The following MRGPRX3 variants were observed in gnomAD, a reference collection of about 807,000 sequenced individuals.
MRGPRX3 encodes the protein MAS related GPR family member X3.
MRGPRX3 carries 14 observed loss-of-function variants against 16.5 expected under a neutral mutation model. That is an observed-to-expected ratio of 0.85 (90% CI 0.56 to 1.33). The LOEUF is 1.33. Ranked by LOEUF, MRGPRX3 falls within the 40% of genes most tolerant of loss-of-function variation. MRGPRX3 has a pLI of 0.00. For missense variants in MRGPRX3, 449 were observed against 413.0 expected, an observed-to-expected ratio of 1.09 and a Z score of -0.76; for synonymous variants, 199 against 180.1, an observed-to-expected ratio of 1.10 and a Z score of -0.84.
upstream of MRGPRX3, among the ~76,000 whole-genome samples, chr11:18,131,205 G>A (rs781038130): frequency 6.6e-6 from 1 of 152,074 alleles, no homozygotes; most frequent in Non-Finnish European, 1.5e-5. Flanking sequence ...AAACTAAAAA[G>A]CTTTTGCGCA....
intron 1 of MRGPRX3, among the ~76,000 whole-genome samples, chr11:18,123,251 A>G (rs1481678970): frequency 6.6e-6 from 1 of 152,052 alleles, no homozygotes; most frequent in Non-Finnish European, 1.5e-5. Context: ...TTTAGACACG[A>G]AGTCCTTGCC....
At chr11:18,124,736 T>C (rs1564879276) in intron 1 of MRGPRX3, among the ~76,000 whole-genome samples, 2 of 152,198 alleles carry the variant, frequency 1.3e-5, no homozygotes, top group Non-Finnish European at 2.9e-5. Context: ...TCTTTTTCTA[T>C]TGATTGGAAT....
At chr11:18,125,138 A>G (rs1211103284) in intron 1 of MRGPRX3, among the ~76,000 whole-genome samples, 1 of 151,458 alleles carries the variant, frequency 6.6e-6, no homozygotes, top group Non-Finnish European at 1.5e-5. Context: ...TCAAAAAAAC[A>G]GCTCCTGGAT....
rs551206580 is a variant in MRGPRX3 at position 18,125,801 on chromosome 11, C to T, written c.-152+4637C>T. On this transcript the variant is annotated intron_variant, in intron 1 of 2. Coordinates refer to the MRGPRX3 transcript ENST00000396275. ...TTGACAGTGGGGTATTAAAGTCTCC[C>T]ATTATTATTGTGTGGGAGTCTAAGT... Among the ~76,000 whole-genome samples the T allele has an allele frequency of 3.7e-3, 563 of 152,174 alleles. 2 individuals carry two copies. The highest frequency in any genetic ancestry group is 0.013 in the African/African-American group (536 of 41,508).
chr11:18,138,219 C>T lies in MRGPRX3; in HGVS notation c.*48C>T, dbSNP rs748157825. 1 of 1,539,016 alleles carries T rather than the reference C, an allele frequency of 6.5e-7. No homozygotes were observed. Among genetic ancestry groups the T allele is most frequent in the South Asian group, 1.3e-5 (1 of 77,926 alleles). On this transcript the variant is annotated 3_prime_UTR_variant, in exon 2 of 2. Coordinates refer to ENST00000621697, the MANE Select transcript of MRGPRX3 (RefSeq NM_001370464.1). Reference sequence around the variant, plus strand: ...ACAGGACTTTGAGAGCAATGCTGCCCTGCCACCCTTGACAATTATATGCAT... The same window carrying T: ...ACAGGACTTTGAGAGCAATGCTGCCTTGCCACCCTTGACAATTATATGCAT...
chr11:18,131,687 T>C (rs1438723239), upstream of MRGPRX3, among the ~76,000 whole-genome samples: 1 of 151,874 alleles, frequency 6.6e-6, no homozygotes, highest in African/African-American at 2.4e-5. Context: ...TAAATATGTA[T>C]AAATATATAT....
upstream of MRGPRX3, among the ~76,000 whole-genome samples, chr11:18,131,225 A>G (rs533750873): frequency 2.0e-5 from 3 of 152,246 alleles, no homozygotes; most frequent in Admixed American, 6.5e-5. Flanking sequence ...AGCAAAAACA[A>G]TCATTAGCAG....
chr11:18,124,474 A>G (rs1238468619), intron 1 of MRGPRX3, among the ~76,000 whole-genome samples: 9 of 152,158 alleles, frequency 5.9e-5, no homozygotes, highest in Non-Finnish European at 5.9e-5. Context: ...GGTTCTGTTT[A>G]TATGCTGGAT....
At chr11:18,123,038 GT>G (rs1590301890) in intron 1 of MRGPRX3, among the ~76,000 whole-genome samples, 1 of 151,940 alleles carries the variant, frequency 6.6e-6, no homozygotes, top group Admixed American at 6.6e-5. Flanking sequence ...GGGGTTGTTT[GT>G]TTTTTTCTTG....
In MRGPRX3 at chr11:18,121,743, G is replaced by C. The variant is rs370024204; in HGVS notation, c.-152+579G>C. On this transcript the variant is annotated intron_variant, in intron 1 of 2. Transcript: ENST00000396275. ...TGAAACATGTGCTGTGTCCACTCAG[G>C]GTTAAATGGATTAAGGGCGGTGAAA... 4.7e-3 allele frequency among the ~76,000 whole-genome samples: 723 copies of C among 152,270 alleles called. 3 individuals are homozygous for C. The highest frequency in any genetic ancestry group is 8.9e-3 in the South Asian group (43 of 4,818).
At chr11:18,136,970 G>T (rs548825755) in intron 1 of MRGPRX3, among the ~76,000 whole-genome samples, 47 of 152,306 alleles carry the variant, frequency 3.1e-4, no homozygotes, top group Admixed American at 5.2e-4. Context: ...CAGAACTTGT[G>T]TGGCAGTAGA....
intron 1 of MRGPRX3, among the ~76,000 whole-genome samples, chr11:18,124,624 A>T (rs1404185428): frequency 6.6e-6 from 1 of 152,210 alleles, no homozygotes; most frequent in Non-Finnish European, 1.5e-5. Context: ...ATCGATATTC[A>T]TCAGGGATAT....
chr11:18,124,313 T>C (rs1848869079), intron 1 of MRGPRX3, among the ~76,000 whole-genome samples: 1 of 152,222 alleles, frequency 6.6e-6, no homozygotes, highest in Non-Finnish European at 1.5e-5. Context: ...CAGTATGATA[T>C]TGGCTGTGGG....
chr11:18,127,272 T>C (rs1848910387), intron 1 of MRGPRX3, among the ~76,000 whole-genome samples: 1 of 152,116 alleles, frequency 6.6e-6, no homozygotes, highest in Non-Finnish European at 1.5e-5. Context: ...TCTCGAGGAG[T>C]ATCTTTGTGG....
At chr11:18,121,901 C>A (rs1211571052) in intron 1 of MRGPRX3, among the ~76,000 whole-genome samples, 1 of 151,954 alleles carries the variant, frequency 6.6e-6, no homozygotes, top group African/African-American at 2.4e-5. Context: ...AAACCAGAGA[C>A]CTTTGTTCAC....
intron 1 of MRGPRX3, among the ~76,000 whole-genome samples, chr11:18,133,537 T>C (rs1261192760): frequency 6.6e-6 from 1 of 152,204 alleles, no homozygotes; most frequent in East Asian, 1.9e-4. Context: ...ATTGTTGTTG[T>C]GATACTGACG....
rs1849021126 is a variant in MRGPRX3, at chr11:18,137,491, A to C, written c.289A>C (p.Ile97Leu). 1.2e-6 allele frequency: 2 copies of C among 1,613,784 alleles called. No individual in the cohort carries two copies. Among genetic ancestry groups the C allele is most frequent in the South Asian group, 1.1e-5 (1 of 91,046 alleles). ...LINIRHPISK[I>L]LSPVMTFPYF... ...CAATATCCGCCATCCCATCTCCAAA[A>C]TCCTCAGTCCTGTGATGACCTTTCC... Residue 97 changes from isoleucine (I) to leucine (L), a missense_variant, in exon 2 of 2, where the codon ATC (isoleucine) becomes CTC (leucine). Ile to Leu is a conservative substitution (Grantham distance 5). Coordinates refer to ENST00000621697, the MANE Select transcript of MRGPRX3 (RefSeq NM_001370464.1).
intron 1 of MRGPRX3, among the ~76,000 whole-genome samples, chr11:18,124,985 T>C (rs1410640163): frequency 1.3e-5 from 2 of 152,258 alleles, no homozygotes; most frequent in Non-Finnish European, 2.9e-5. Context: ...TAGAGGTGTT[T>C]ATAGTATTCT....
At chr11:18,121,261 G>C (rs930273719) in intron 1 of MRGPRX3, 2 of 157,288 alleles carry the variant, frequency 1.3e-5, no homozygotes, top group African/African-American at 4.8e-5. Flanking sequence ...CCCTCCGCCC[G>C]GCAGCCACCC....
Sources: gnomAD v4.1 joint callset for allele counts (sites outside exome capture counted in the v4.1 genomes callset) on GRCh38, gnomAD v4.1.1 for gene constraint, MANE v1.5 for transcripts, NCBI Gene and HGNC (gene_info 2026-07-23, HGNC 2026-07-21) for gene names.